Variants in RBFOX1 observed in about 807,000 individuals in gnomAD.
RBFOX1 encodes the protein RNA binding protein fox-1 homolog 1.
RBFOX1 carries 8 observed loss-of-function variants against 57.7 expected under a neutral mutation model. The ratio of observed to expected loss-of-function variants is 0.14; its 90% CI spans 0.08 to 0.25. RBFOX1 has a LOEUF of 0.25. RBFOX1 is among the 10% of genes least tolerant of loss of function. The pLI is 1.00. For synonymous variants in RBFOX1, 326 were observed against 222.4 expected (o/e 1.47, Z -4.15); for missense variants, 611 against 548.5 (o/e 1.11, Z -1.14).
At chr16:5,338,164 C>A (rs947760032) in intron 1 of RBFOX1, among the ~76,000 whole-genome samples, 14 of 152,228 alleles carry the variant, frequency 9.2e-5, no homozygotes, top group African/African-American at 3.1e-4. Context: ...TATTGAGGCA[C>A]CTGCTAGGCT....
At chr16:6,834,240 G>A (rs1182067175) in intron 3 of RBFOX1, among the ~76,000 whole-genome samples, 1 of 151,738 alleles carries the variant, frequency 6.6e-6, no homozygotes, top group African/African-American at 2.4e-5. Context: ...CGCCCCATTA[G>A]TTTTTATATT....
At chr16:5,437,622 T>A (rs2067956283) in intron 1 of RBFOX1, among the ~76,000 whole-genome samples, 1 of 152,214 alleles carries the variant, frequency 6.6e-6, no homozygotes, top group Non-Finnish European at 1.5e-5. Flanking sequence ...AAAAGAGTGG[T>A]ATTAAGATAT....
At chr16:7,190,412 T>C (rs1036284843) in intron 4 of RBFOX1, among the ~76,000 whole-genome samples, 1 of 152,228 alleles carries the variant, frequency 6.6e-6, no homozygotes, top group Non-Finnish European at 1.5e-5. Context: ...CTCATTGTTT[T>C]TGTTGTCAGC....
intron 2 of RBFOX1, among the ~76,000 whole-genome samples, chr16:5,533,292 G>A (rs983138679): frequency 2.0e-5 from 3 of 152,204 alleles, no homozygotes; most frequent in Admixed American, 1.3e-4. Context: ...TGAGTAACAA[G>A]CATCATGTTT....
intron 4 of RBFOX1, among the ~76,000 whole-genome samples, chr16:7,388,227 G>A (rs954828231): frequency 6.6e-6 from 1 of 152,126 alleles, no homozygotes; most frequent in Non-Finnish European, 1.5e-5. Flanking sequence ...GACACACAAG[G>A]TTGGTGTGAT....
chr16:5,471,274 C>T (rs1236467114), intron 2 of RBFOX1, among the ~76,000 whole-genome samples: 1 of 152,204 alleles, frequency 6.6e-6, no homozygotes, highest in East Asian at 1.9e-4. Flanking sequence ...CGTTCTGTTC[C>T]TCTTTGAAGA....
chr16:7,531,472 G>A (rs1483790473), intron 5 of RBFOX1, among the ~76,000 whole-genome samples: 1 of 152,162 alleles, frequency 6.6e-6, no homozygotes, highest in African/African-American at 2.4e-5. Flanking sequence ...GAGAAAACCA[G>A]AACATAGAGA....
rs2097423438 is a variant in RBFOX1 at position 6,227,035 on chromosome 16, A to G, written c.-126-89960A>G. Among the ~76,000 whole-genome samples, 3 of 151,964 alleles carry G rather than the reference A, an allele frequency of 2.0e-5. No individual in the cohort carries two copies. The South Asian group carries it at 6.2e-4, about 32-fold the overall frequency. On this transcript the variant is annotated intron_variant, in intron 1 of 15. Transcript: ENST00000550418. ...GCTACTTGGGAGGCTGAGGCAGGAT[A>G]ATCGCTTGAATCTGGGAGGCAGAGG...
At chr16:7,683,180 C>T (rs2075300415) in intron 14 of RBFOX1, among the ~76,000 whole-genome samples, 1 of 148,024 alleles carries the variant, frequency 6.8e-6, no homozygotes, top group African/African-American at 2.5e-5. Context: ...AGGGAAGGTA[C>T]ATCTCAGCTT....
At chr16:7,216,050 C>G (rs2091983051) in intron 4 of RBFOX1, among the ~76,000 whole-genome samples, 1 of 152,046 alleles carries the variant, frequency 6.6e-6, no homozygotes, top group South Asian at 2.1e-4. Flanking sequence ...TGGAATCATA[C>G]AGTATTTGTT....
rs150227921 is a variant in RBFOX1 at position 6,321,307 on chromosome 16, C to G, written c.-64+4250C>G. Among the ~76,000 whole-genome samples the G allele has an allele frequency of 2.6e-5, 4 of 152,180 alleles. No homozygotes were observed. The East Asian group carries it at 7.7e-4, about 29-fold the overall frequency. Reference sequence around the variant, plus strand: ...GATACTGTATTGTTGTATGGGATGGCTTTAGACTAGCAGCCTTATAAATAC... The same window carrying G: ...GATACTGTATTGTTGTATGGGATGGGTTTAGACTAGCAGCCTTATAAATAC... On this transcript the variant is annotated intron_variant, in intron 2 of 15. Transcript: ENST00000550418.
At position 5,620,423 on chromosome 16, in the gene RBFOX1, G is replaced by T. The variant is rs376988328; in HGVS notation, c.318+21462G>T. Among the ~76,000 whole-genome samples, 6 of 152,102 alleles carry T rather than the reference G, an allele frequency of 3.9e-5. No homozygotes were observed. In the East Asian group the frequency reaches 1.2e-3, roughly 29 times the overall value. On this transcript the variant is annotated intron_variant, in intron 3 of 19. Coordinates refer to the RBFOX1 transcript ENST00000641259. The stretch of plus-strand genomic sequence containing the variant: ...TTCTCAGTGCTGCGTTGGTTGGCTG[G>T]GGCTGCCATCACAGATCACCCAGAC...
intron 1 of RBFOX1, among the ~76,000 whole-genome samples, chr16:5,333,366 G>A (rs8053638): frequency 0.034 from 5,182 of 152,266 alleles, 297 homozygotes; most frequent in African/African-American, 0.12. Flanking sequence ...TTTCTCTTTT[G>A]GGAGACAATG....
chr16:6,150,716 C>G (rs2096791485), intron 1 of RBFOX1, among the ~76,000 whole-genome samples: 1 of 152,150 alleles, frequency 6.6e-6, no homozygotes, highest in South Asian at 2.1e-4. Flanking sequence ...GGAATCTAAA[C>G]CGCATGAGAG....
chr16:5,698,735 G>C (rs1311737275), intron 3 of RBFOX1, among the ~76,000 whole-genome samples: 2 of 152,232 alleles, frequency 1.3e-5, no homozygotes, highest in South Asian at 2.1e-4. Flanking sequence ...TCAAAACATG[G>C]TATGTCCATA....
chr16:7,335,172 G>A (rs1477556132), intron 4 of RBFOX1, among the ~76,000 whole-genome samples: 2 of 152,338 alleles, frequency 1.3e-5, no homozygotes, highest in East Asian at 3.9e-4. Flanking sequence ...ACTCACAGAT[G>A]CTCAGCTCTG....
At chr16:7,099,351 C>T (rs11077135) in intron 4 of RBFOX1, among the ~76,000 whole-genome samples, 25,100 of 152,030 alleles carry the variant, frequency 0.17, 2,316 homozygotes, top group East Asian at 0.34. Context: ...AGCTTCTCCT[C>T]GTAGGATCTT....
At chr16:6,923,584 T>C (rs11639938) in intron 3 of RBFOX1, among the ~76,000 whole-genome samples, 99,237 of 151,854 alleles carry the variant, frequency 0.65, 32,740 homozygotes, top group Non-Finnish European at 0.71. Context: ...GGCTGACCAT[T>C]TTCCAGGGCA....
intron 3 of RBFOX1, among the ~76,000 whole-genome samples, chr16:6,718,838 C>CT (rs1165809647): frequency 6.6e-6 from 1 of 151,996 alleles, no homozygotes; most frequent in African/African-American, 2.4e-5. Context: ...ATGTTTCTTT[C>CT]TTTTTTTCTT....
Sources: gnomAD v4.1 joint callset for allele counts (sites outside exome capture counted in the v4.1 genomes callset) on GRCh38, gnomAD v4.1.1 for gene constraint, MANE v1.5 for transcripts, NCBI Gene and HGNC (gene_info 2026-07-23, HGNC 2026-07-21) for gene names.